The following C5 variants were observed in gnomAD, a reference collection of about 807,000 sequenced individuals.
C5 encodes complement C5, also known as C3 and PZP-like alpha-2-macroglobulin domain-containing protein 4.
In C5, 140 loss-of-function variants were observed where a neutral mutation model predicts 218.8. The ratio of observed to expected loss-of-function variants is 0.64; its 90% CI spans 0.56 to 0.74. C5 has a LOEUF of 0.74. Among genes scored for constraint, C5 ranks in the 30% least tolerant of loss-of-function variants. The probability of loss-of-function intolerance (pLI) is 0.00; values close to 1 mark genes in which losing one functional copy is unlikely to be tolerated. For missense variants in C5, 1,700 were observed against 1,969.6 expected, an observed-to-expected ratio of 0.86 and a Z score of 2.59; for synonymous variants, 614 against 682.3, an observed-to-expected ratio of 0.90 and a Z score of 1.56.
intron 28 of C5, among the ~76,000 whole-genome samples, chr9:120,978,298 T>C (rs1156595487): frequency 1.3e-5 from 2 of 152,194 alleles, no homozygotes; most frequent in Non-Finnish European, 1.5e-5. Context: ...AGTAAAAATT[T>C]TGATGTGTAT....
chr9:121,018,740 G>GGAAAGAAA (rs1284531719), intron 12 of C5, among the ~76,000 whole-genome samples: 3,141 of 85,136 alleles, frequency 0.037, 250 homozygotes, highest in African/African-American at 0.14. Context: ...AAGGAAGGAA[G>GGAAAGAAA]GAAAGGAAGG....
chr9:120,971,113 A>C (rs1458993225), intron 31 of C5, among the ~76,000 whole-genome samples: 3 of 149,476 alleles, frequency 2.0e-5, no homozygotes, highest in Non-Finnish European at 4.4e-5. Context: ...CGGAGGTTGC[A>C]GTGAGCCAAG....
At chr9:121,022,287 C>T (rs892920183) in intron 10 of C5, among the ~76,000 whole-genome samples, 1 of 119,582 alleles carries the variant, frequency 8.4e-6, no homozygotes, top group African/African-American at 3.1e-5. Context: ...TTAACATCTA[C>T]CTCTCACTGC....
At chr9:120,962,285 G>A (rs2046833198) in intron 36 of C5, among the ~76,000 whole-genome samples, 1 of 152,240 alleles carries the variant, frequency 6.6e-6, no homozygotes, top group Non-Finnish European at 1.5e-5. Flanking sequence ...AGAGCTATCT[G>A]CAAAGTGTAA....
intron 20 of C5, among the ~76,000 whole-genome samples, chr9:121,002,248 A>G (rs922311463): frequency 1.7e-4 from 7 of 42,196 alleles, no homozygotes; most frequent in Middle Eastern, 0.012. Context: ...GTATATGTAT[A>G]TATATGTATA....
chr9:120,961,737 C>T (rs912428836), intron 36 of C5, among the ~76,000 whole-genome samples, 172 bp from the exon 37 acceptor site: 15 of 150,310 alleles, frequency 1.0e-4, no homozygotes, highest in Admixed American at 1.3e-4. Context: ...GGAAGGGTTC[C>T]GCTACCCTCA....
intron 24 of C5, 96 bp downstream of exon 24, chr9:120,989,472 A>C: frequency 1.2e-6 from 1 of 832,908 alleles, no homozygotes; most frequent in Non-Finnish European, 1.9e-6. Context: ...AAATTCTCTT[A>C]CAAAGTTTTC....
rs41308040 is a variant in C5, at chr9:121,027,424, T to C, written c.759-150A>G. ...AAAAAGAACAAAGCTGGAGGCATCA[T>C]GCTACCTGACTTCAAACTATACTAC... is the stretch of plus-strand genomic sequence containing the variant. On this transcript the variant is annotated intron_variant, in intron 7 of 40. Transcript: ENST00000223642. 7.4e-3 allele frequency: 4,517 copies of C among 606,802 alleles called. 173 individuals are homozygous for C. The African/African-American group carries it at 0.076, about 10-fold the overall frequency. The allele number at this position is 606,802 out of a possible 1,614,324, so 37.6% of individuals were successfully genotyped here.
At chr9:120,994,867 A>C (rs1587966768) in intron 22 of C5, among the ~76,000 whole-genome samples, 2 of 152,012 alleles carry the variant, frequency 1.3e-5, no homozygotes, top group East Asian at 3.9e-4. Flanking sequence ...TGAGTAAGGC[A>C]AGACTGCTCT....
intron 10 of C5, among the ~76,000 whole-genome samples, chr9:121,023,200 T>A (rs2131777757): frequency 6.6e-6 from 1 of 152,346 alleles, no homozygotes; most frequent in Middle Eastern, 3.4e-3. Context: ...TATCTTGCCC[T>A]CACTTTTGAA....
Position 120,962,874 on chromosome 9 carries a change from G to T in C5, c.4398+19C>A. 1 of 1,611,322 alleles carries T rather than the reference G, an allele frequency of 6.2e-7. No homozygotes were observed. Among genetic ancestry groups the T allele is most frequent in the Non-Finnish European group, 8.5e-7 (1 of 1,177,414 alleles). On this transcript the variant is annotated intron_variant, in intron 35 of 40. Transcript: ENST00000223642. The stretch of plus-strand genomic sequence containing the variant: ...TGAATAGTAATAGTAAAGGAAAAAT[G>T]GTTGCAGGTGGAGCTTACCGAATTC...
At chr9:121,029,628 C>T (rs2047456315) in intron 7 of C5, among the ~76,000 whole-genome samples, 1 of 152,198 alleles carries the variant, frequency 6.6e-6, no homozygotes, top group African/African-American at 2.4e-5. Context: ...TTCTCTACCT[C>T]CCCATGTATC....
rs1390123392 is a variant in C5, at chr9:121,030,425, T to TGA, written c.729_730insTC (p.Lys244SerfsTer8). The TGA allele has an allele frequency of 6.5e-7, 1 of 1,529,720 alleles. No individual in the cohort carries two copies. Among genetic ancestry groups the TGA allele is most frequent in the Admixed American group, 2.0e-5 (1 of 49,174 alleles). The allele number at this position is 1,529,720 out of a possible 1,614,324, so 94.8% of individuals were successfully genotyped here. Reference sequence around the variant, plus strand: ...GCTTTTATAGTAATTTCAAAATTCTTAAAGTTCTTGTAACCAATGAAATTA... The same window carrying TGA: ...GCTTTTATAGTAATTTCAAAATTCTTGAAAAGTTCTTGTAACCAATGAAATTA... On this transcript the variant is annotated frameshift_variant, in exon 7 of 41. Transcript: ENST00000223642. LOFTEE classifies it high-confidence loss of function.
rs756364940 is a variant in C5, at chr9:121,049,934, T to G, written c.65+248A>C. Among the ~76,000 whole-genome samples the G allele has an allele frequency of 3.5e-5, 5 of 141,952 alleles. No individual in the cohort carries two copies. The East Asian group carries it at 1.1e-3, about 30-fold the overall frequency. The allele number at this position is 141,952 out of a possible 152,430, so 93.1% of individuals were successfully genotyped here. On this transcript the variant is annotated intron_variant, in intron 1 of 40. Transcript: ENST00000223642. ...ATCTGGAGTTTCTTTTGTGCTTTTT[T>G]GAAGAGGAATTTGAATAATCACTTA...
chr9:120,985,743 T>C (rs1010547810), intron 25 of C5, among the ~76,000 whole-genome samples: 1 of 152,006 alleles, frequency 6.6e-6, no homozygotes, highest in Non-Finnish European at 1.5e-5. Context: ...CATTTAGAAA[T>C]ACAAAAAGGG....
chr9:120,955,965 T>C (rs1205411015), intron 39 of C5, among the ~76,000 whole-genome samples: 1 of 152,100 alleles, frequency 6.6e-6, no homozygotes, highest in Non-Finnish European at 1.5e-5. Context: ...ATTATTGCAA[T>C]TTAGCTTTAT....
upstream of C5, among the ~76,000 whole-genome samples, chr9:121,053,446 G>A (rs2047682676): frequency 6.6e-6 from 1 of 152,192 alleles, no homozygotes; most frequent in Non-Finnish European, 1.5e-5. Flanking sequence ...AAGACTGACT[G>A]GAGAGAGGGC....
chr9:121,062,220 C>T, the C5 span, among the ~76,000 whole-genome samples: 5 of 152,130 alleles, frequency 3.3e-5, no homozygotes, highest in Admixed American at 6.5e-5. Context: ...ACTTTGATTC[C>T]CACTAAACTT....
At chr9:121,018,326 A>G (rs1254026140) in intron 12 of C5, among the ~76,000 whole-genome samples, 1 of 150,178 alleles carries the variant, frequency 6.7e-6, no homozygotes, top group East Asian at 2.0e-4. Flanking sequence ...GTAATCCCAG[A>G]AGTTTGGGAG....
Sources: gnomAD v4.1 joint callset for allele counts (sites outside exome capture counted in the v4.1 genomes callset) on GRCh38, gnomAD v4.1.1 for gene constraint, MANE v1.5 for transcripts, NCBI Gene and HGNC (gene_info 2026-07-23, HGNC 2026-07-21) for gene names.